The following OR5K1 variants were observed in gnomAD, a reference collection of about 807,000 sequenced individuals.
The protein encoded by OR5K1 is olfactory receptor 5K1.
OR5K1 carries 7 observed loss-of-function variants against 10.4 expected under a neutral mutation model. That is an observed-to-expected ratio of 0.67 (90% confidence interval 0.38 to 1.26). The LOEUF (loss-of-function observed/expected upper bound fraction) is 1.26. Ranked by LOEUF, OR5K1 falls within the 50% of genes most tolerant of loss-of-function variation. The pLI, the probability that OR5K1 is intolerant of heterozygous loss-of-function variation, is 0.02. For synonymous variants in OR5K1, 135 were observed against 128.5 expected (o/e 1.05, Z -0.34); for missense variants, 435 against 366.2 (o/e 1.19, Z -1.53).
chr3:98,466,877 T>G (rs1576236993), intron 1 of OR5K1, among the ~76,000 whole-genome samples: 1 of 121,304 alleles, frequency 8.2e-6, no homozygotes, highest in East Asian at 2.6e-4. Flanking sequence ...GTAGTTTCTT[T>G]TGCTGTGCAG....
intron 1 of OR5K1, among the ~76,000 whole-genome samples, chr3:98,468,719 C>T (rs568072209): frequency 4.3e-4 from 65 of 152,160 alleles, no homozygotes; most frequent in African/African-American, 1.5e-3. Flanking sequence ...TATTCATCAT[C>T]CTTGGACATT....
chr3:98,466,749 TG>T (rs1474457564), intron 1 of OR5K1, among the ~76,000 whole-genome samples: 1 of 132,084 alleles, frequency 7.6e-6, no homozygotes, highest in African/African-American at 3.4e-5. Context: ...TGGGGTTGTT[TG>T]TTTTTTTCTT....
Position 98,472,035 on chromosome 3 carries a change from T to C in OR5K1, c.*1532T>C, listed in dbSNP as rs1705453317. ...ACATATAGGTCCTTGCCTGGTATCA[T>C]GGCACTGAGCACAGGTGCCAGATTA... On this transcript the variant is annotated 3_prime_UTR_variant, in exon 2 of 2. Coordinates refer to ENST00000642057, the MANE Select transcript of OR5K1 (RefSeq NM_001004736.4). The C allele has an allele frequency of 6.6e-6, 1 of 152,038 alleles. No individual in the cohort carries two copies. The highest frequency in any genetic ancestry group is 1.5e-5 in the Non-Finnish European group (1 of 67,970). The allele number at this position is 152,038 out of a possible 1,614,324, so 9.4% of individuals were successfully genotyped here.
In OR5K1 at chr3:98,470,615, T is replaced by G; in HGVS notation, c.*112T>G. ...AAATGCATAAATTATAAGTAAAATT[T>G]TAATATATAAGAATACATTCAAATT... On this transcript the variant is annotated 3_prime_UTR_variant, in exon 2 of 2. Transcript: ENST00000642057. 1.6e-6 allele frequency: 1 copy of G among 612,418 alleles called. No homozygotes were observed. Among genetic ancestry groups the G allele is most frequent in the Non-Finnish European group, 2.8e-6 (1 of 359,288 alleles). The allele number at this position is 612,418 out of a possible 1,614,324, so 37.9% of individuals were successfully genotyped here. A position where few individuals can be genotyped will look rare whatever the true frequency, so the allele number is the denominator to read the frequency against.
At chr3:98,466,161 T>C (rs1426813261) in intron 1 of OR5K1, among the ~76,000 whole-genome samples, 2 of 148,880 alleles carry the variant, frequency 1.3e-5, no homozygotes, top group East Asian at 4.0e-4. Context: ...TGGTTTTTTG[T>C]TCTTGCGATA....
At position 98,469,580 on chromosome 3, in the gene OR5K1, G is replaced by A. The variant is rs764469013; in HGVS notation, c.4G>A (p.Ala2Thr). The A allele has an allele frequency of 6.2e-7, 1 of 1,607,268 alleles. No individual in the cohort carries two copies. Among genetic ancestry groups the A allele is most frequent in the Non-Finnish European group, 8.5e-7 (1 of 1,175,798 alleles). The change falls in exon 2 of 2, where the codon GCT becomes ACT. Residue 2 changes from alanine (A) to threonine (T), a missense_variant. Ala to Thr is a moderately conservative substitution (Grantham distance 58). Coordinates refer to ENST00000642057, the MANE Select transcript of OR5K1 (RefSeq NM_001004736.4). M[A>T]EENHTMKNEF... Reference sequence around the variant, plus strand: ...TTTTTTTTCAGACAAGTCAGGAATGGCTGAAGAAAATCATACCATGAAAAA... The same window carrying A: ...TTTTTTTTCAGACAAGTCAGGAATGACTGAAGAAAATCATACCATGAAAAA...
rs536522454 is a variant in OR5K1, at chr3:98,472,618, T to A, written c.*2115T>A. On this transcript the variant is annotated 3_prime_UTR_variant, in exon 2 of 2. Transcript: ENST00000642057. Reference sequence around the variant, plus strand: ...CAAATGTTTCCCAAATGTACTTTTATGGAGTAAAATTGGACTCAAAAATGA... The same window carrying A: ...CAAATGTTTCCCAAATGTACTTTTAAGGAGTAAAATTGGACTCAAAAATGA... The A allele has an allele frequency of 6.6e-6, 1 of 152,132 alleles. No homozygotes were observed. Among genetic ancestry groups the A allele is most frequent in the African/African-American group, 2.4e-5 (1 of 41,546 alleles). 9.4% of individuals were successfully genotyped at this position (152,132 alleles called of 1,614,324 possible). A position where few individuals can be genotyped will look rare whatever the true frequency, so the allele number is the denominator to read the frequency against.
At chr3:98,467,902 T>C (rs1482820387) in intron 1 of OR5K1, among the ~76,000 whole-genome samples, 2 of 150,406 alleles carry the variant, frequency 1.3e-5, no homozygotes, top group Non-Finnish European at 3.0e-5. Flanking sequence ...TTCCTTCTCC[T>C]GCCTGATTGC....
At position 98,469,903 on chromosome 3, in the gene OR5K1, T is replaced by C; in HGVS notation, c.327T>C (p.Thr109=). The C allele has an allele frequency of 1.2e-6, 2 of 1,613,788 alleles. No individual in the cohort carries two copies. The highest frequency in any genetic ancestry group is 2.2e-5 in the South Asian group (2 of 91,086). ...TTTATTTTCTTTGCACTGTGGAAAC[T>C]GCAGACTGCTTTCTTCTGGCAGCAA... The part of the protein sequence containing the change: ...VQFYFLCTVE[T]ADCFLLAAMA... The change falls in exon 2 of 2, where the codon ACT becomes ACC. Residue 109 remains threonine (T), a synonymous_variant. Transcript: ENST00000642057.
At chr3:98,468,159 C>T (rs1705397042) in intron 1 of OR5K1, among the ~76,000 whole-genome samples, 1 of 152,074 alleles carries the variant, frequency 6.6e-6, no homozygotes, top group South Asian at 2.1e-4. Flanking sequence ...CTCCTCCCCA[C>T]TTCCGTCCAC....
intron 1 of OR5K1, among the ~76,000 whole-genome samples, chr3:98,468,439 T>G (rs1226094154): frequency 6.6e-6 from 1 of 152,068 alleles, no homozygotes; most frequent in African/African-American, 2.4e-5. Context: ...CATCCAGAAC[T>G]TTATCTTCCC....
intron 1 of OR5K1, among the ~76,000 whole-genome samples, chr3:98,468,265 G>A (rs1705398660): frequency 6.6e-6 from 1 of 151,962 alleles, no homozygotes; most frequent in Non-Finnish European, 1.5e-5. Context: ...CAGCAGTATT[G>A]GAGATAGTTA....
In OR5K1 at chr3:98,470,441, A is replaced by G. The variant is rs200529806; in HGVS notation, c.865A>G (p.Ile289Val). The G allele has an allele frequency of 5.9e-5, 95 of 1,597,644 alleles. No individual in the cohort carries two copies. Among genetic ancestry groups the G allele is most frequent in the Admixed American group, 1.7e-5 (1 of 59,530 alleles). Residue 289 changes from isoleucine (I) to valine (V), a missense_variant, in exon 2 of 2, where the codon ATT becomes GTT. Transcript: ENST00000642057. ...TIVVPLLNPF[I>V]YSLRNREVIS... ...AGTAGTTCCCTTACTAAATCCTTTC[A>G]TTTATAGCCTGAGAAATAGGGAAGT...
intron 1 of OR5K1, among the ~76,000 whole-genome samples, chr3:98,468,980 T>A (rs1705408833): frequency 6.6e-6 from 1 of 152,074 alleles, no homozygotes; most frequent in Admixed American, 6.6e-5. Flanking sequence ...GATGTATTTC[T>A]TCCTCAAAAT....
chr3:98,467,991 G>C (rs1044036827), intron 1 of OR5K1, among the ~76,000 whole-genome samples: 1 of 151,996 alleles, frequency 6.6e-6, no homozygotes, highest in Non-Finnish European at 1.5e-5. Context: ...TTTTCAAAGG[G>C]AATGCTTCCA....
chr3:98,463,549 A>G (rs1576235745), intron 1 of OR5K1, among the ~76,000 whole-genome samples: 1 of 152,322 alleles, frequency 6.6e-6, no homozygotes, highest in East Asian at 1.9e-4. Flanking sequence ...GCACACTTTT[A>G]TAGTAATAAC....
chr3:98,465,323 C>T (rs967191096), intron 1 of OR5K1, among the ~76,000 whole-genome samples: 8 of 152,010 alleles, frequency 5.3e-5, no homozygotes, highest in South Asian at 2.1e-4. Context: ...AATGATTGTA[C>T]GATATGCCAT....
At chr3:98,466,572 CTT>C (rs1220735873) in intron 1 of OR5K1, among the ~76,000 whole-genome samples, 1 of 76,658 alleles carries the variant, frequency 1.3e-5, no homozygotes, top group Non-Finnish European at 2.3e-5. Flanking sequence ...TGTTTCCTGA[CTT>C]TTTAATGATT....
Position 98,471,110 on chromosome 3 carries a change from C to T in OR5K1, c.*607C>T, listed in dbSNP as rs1166121383. 2 of 152,080 alleles carry T rather than the reference C, an allele frequency of 1.3e-5. No individual in the cohort carries two copies. Among genetic ancestry groups the T allele is most frequent in the Non-Finnish European group, 2.9e-5 (2 of 68,020 alleles). The allele number at this position is 152,080 out of a possible 1,614,324, so 9.4% of individuals were successfully genotyped here. ...TCAGATTTCCAAATTTAAATTATTA[C>T]TGAGTTAAATATTAAACACAGAATG... On this transcript the variant is annotated 3_prime_UTR_variant, in exon 2 of 2. Transcript: ENST00000642057.
Sources: allele counts gnomAD v4.1 joint callset (sites outside exome capture counted in the v4.1 genomes callset), GRCh38; gene constraint gnomAD v4.1.1; transcripts MANE v1.5; gene names NCBI Gene and HGNC (gene_info 2026-07-23, HGNC 2026-07-21).